The following PKD1L1 variants were observed in gnomAD, a reference collection of about 807,000 sequenced individuals.
PKD1L1 encodes the protein polycystin-1-like protein 1.
A neutral mutation model predicts 323.4 loss-of-function variants in PKD1L1; 236 were observed. The ratio of observed to expected loss-of-function variants is 0.73; its 90% confidence interval spans 0.66 to 0.81. The LOEUF (loss-of-function observed/expected upper bound fraction) is 0.81. Among genes scored for constraint, PKD1L1 ranks in the 40% least tolerant of loss-of-function variants. PKD1L1 has a pLI of 0.00. For synonymous variants in PKD1L1, 1,344 were observed against 1,335.0 expected (o/e 1.01, Z -0.15); for missense variants, 3,320 against 3,508.0 (o/e 0.95, Z 1.35).
At chr7:47,803,450 T>A in intron 52 of PKD1L1, 106 bp from the exon 53 acceptor site, 2 of 1,342,034 alleles carry the variant, frequency 1.5e-6, no homozygotes, top group Non-Finnish European at 2.1e-6. Flanking sequence ...GATTTGATGA[T>A]GTTATATAGA....
intron 23 of PKD1L1, among the ~76,000 whole-genome samples, chr7:47,875,206 A>G (rs558373454): frequency 4.6e-5 from 7 of 152,240 alleles, no homozygotes; most frequent in Non-Finnish European, 8.8e-5. Flanking sequence ...TGCCCTGCTC[A>G]GAAGTTTTGC....
At chr7:47,906,501 T>TCACACATACCCTCCTATGACATAC (rs1439718032) in intron 9 of PKD1L1, among the ~76,000 whole-genome samples, 137 of 152,142 alleles carry the variant, frequency 9.0e-4, no homozygotes, top group Admixed American at 1.0e-3. Flanking sequence ...TACACACATA[T>TCACACATACCCTCCTATGACATAC]CACACATACC....
intron 53 of PKD1L1, among the ~76,000 whole-genome samples, chr7:47,801,554 C>G (rs576671492): frequency 7.2e-5 from 11 of 152,114 alleles, no homozygotes; most frequent in African/African-American, 2.4e-4. Context: ...AGACTGTGGA[C>G]GGGCCTACAG....
chr7:47,877,954 G>A (rs1393669170), intron 21 of PKD1L1, among the ~76,000 whole-genome samples: 2 of 151,784 alleles, frequency 1.3e-5, no homozygotes, highest in African/African-American at 4.8e-5. Flanking sequence ...CCTAGGCCCT[G>A]GGGAGACAGA....
At chr7:47,809,102 A>C (rs1280973948) in intron 51 of PKD1L1, 1 of 158,084 alleles carries the variant, frequency 6.3e-6, no homozygotes, top group East Asian at 1.9e-4. Flanking sequence ...TCTATTTTTA[A>C]AAATTTTGTT....
intron 3 of PKD1L1, among the ~76,000 whole-genome samples, chr7:47,938,405 A>G (rs1478643460): frequency 6.6e-6 from 1 of 152,162 alleles, no homozygotes; most frequent in East Asian, 1.9e-4. Flanking sequence ...GGACCTGGGT[A>G]GATCCTGGCA....
At position 47,928,157 on chromosome 7, in the gene PKD1L1, A is replaced by G. The variant is rs191845836; in HGVS notation, c.1060+1047T>C. 2.0e-4 allele frequency among the ~76,000 whole-genome samples: 30 copies of G among 152,372 alleles called. 1 individual carries two copies. Among genetic ancestry groups the G allele is most frequent in the African/African-American group, 5.8e-4 (24 of 41,592 alleles). On this transcript the variant is annotated intron_variant, in intron 7 of 56. Transcript: ENST00000289672. ...GTTTATACACATAAAAGATATAAGAAGTAGAAGGCAGTAGTTGACTGTGGG... is the reference window on the plus strand; with the variant it reads ...GTTTATACACATAAAAGATATAAGAGGTAGAAGGCAGTAGTTGACTGTGGG...
At chr7:47,887,581 T>C (rs772937004) in intron 17 of PKD1L1, among the ~76,000 whole-genome samples, 24 of 152,258 alleles carry the variant, frequency 1.6e-4, no homozygotes, top group Non-Finnish European at 2.9e-4. Flanking sequence ...GGAGCAAGGA[T>C]TGGAACCTTC....
At chr7:47,937,256 GGGT>G (rs1325765143) in intron 3 of PKD1L1, among the ~76,000 whole-genome samples, 11 of 101,696 alleles carry the variant, frequency 1.1e-4, no homozygotes, top group African/African-American at 4.2e-4. Context: ...GACGGGGTGG[GGGT>G]GGGGGGGGGG....
Position 47,948,428 on chromosome 7 carries a change from C to T in PKD1L1, c.13G>A (p.Ala5Thr), listed in dbSNP as rs1489518764. Residue 5 changes from alanine to threonine, a missense_variant, in exon 1 of 57, where the codon GCA becomes ACA. Physicochemically the swap from Ala to Thr is moderately conservative, Grantham distance 58. Coordinates refer to ENST00000289672, the MANE Select transcript of PKD1L1 (RefSeq NM_138295.5). ...TGGTCATCAGAAATGTTCTGGGCTGCCTCCTCGGCCATGTCCTGTGCAAGC... is the reference window on the plus strand; with the variant it reads ...TGGTCATCAGAAATGTTCTGGGCTGTCTCCTCGGCCATGTCCTGTGCAAGC... MAEE[A>T]AQNISDDQER... 1.2e-6 allele frequency: 2 copies of T among 1,614,090 alleles called. No individual in the cohort carries two copies. The highest frequency in any genetic ancestry group is 1.7e-6 in the Non-Finnish European group (2 of 1,180,032).
intron 6 of PKD1L1, 125 bp downstream of exon 6, chr7:47,930,979 A>T: frequency 1.0e-6 from 1 of 986,498 alleles, no homozygotes; most frequent in Non-Finnish European, 1.5e-6. Context: ...AAGTCACTGG[A>T]CTCAACTGCA....
intron 33 of PKD1L1, among the ~76,000 whole-genome samples, chr7:47,844,160 G>T (rs538456452): frequency 9.7e-4 from 148 of 152,282 alleles, no homozygotes; most frequent in Non-Finnish European, 1.5e-3. Flanking sequence ...CATGGTTGAG[G>T]CTGCTGTCTT....
chr7:47,777,217 A>T (rs1228999292), intron 56 of PKD1L1, among the ~76,000 whole-genome samples: 2 of 152,238 alleles, frequency 1.3e-5, no homozygotes, highest in African/African-American at 4.8e-5. Context: ...ACTATCCCAA[A>T]TGATTAGTCT....
chr7:47,906,553 A>G (rs1373867033), intron 9 of PKD1L1, among the ~76,000 whole-genome samples: 2 of 152,190 alleles, frequency 1.3e-5, no homozygotes, highest in African/African-American at 2.4e-5. Flanking sequence ...ATGTATGTAC[A>G]TACATATGGA....
rs771908353 is a variant in PKD1L1, at chr7:47,857,783, G to A, written c.4412C>T (p.Thr1471Ile). Reference protein sequence around the residue: ...HVSTGQMEFRTLLHYNLQSSV... With the variant: ...HVSTGQMEFRILLHYNLQSSV... Reference sequence around the variant, plus strand: ...GCTCTGAAGGTTGTAATGAAGAAGGGTCCGGAACTCCATCTGCCCAGTGCT... The same window carrying A: ...GCTCTGAAGGTTGTAATGAAGAAGGATCCGGAACTCCATCTGCCCAGTGCT... Residue 1471 changes from threonine to isoleucine, a missense_variant, in exon 28 of 57, where the codon ACC (threonine) becomes ATC (isoleucine). Physicochemically the swap from Thr to Ile is moderately conservative, Grantham distance 89. Coordinates refer to ENST00000289672, the MANE Select transcript of PKD1L1 (RefSeq NM_138295.5). 17 of 1,614,048 alleles carry A rather than the reference G, an allele frequency of 1.1e-5. No individual in the cohort carries two copies. The highest frequency in any genetic ancestry group is 1.3e-5 in the Non-Finnish European group (15 of 1,180,040).
intron 56 of PKD1L1, among the ~76,000 whole-genome samples, chr7:47,775,965 A>T (rs1786559798): frequency 6.6e-6 from 1 of 152,200 alleles, no homozygotes; most frequent in Admixed American, 6.5e-5. Flanking sequence ...ACAAAGACAC[A>T]AATTGCCAAT....
At chr7:47,807,242 A>G (rs572867807) in intron 52 of PKD1L1, among the ~76,000 whole-genome samples, 1 of 151,904 alleles carries the variant, frequency 6.6e-6, no homozygotes, top group South Asian at 2.1e-4. Flanking sequence ...TAGCCTAGGG[A>G]GTTTCTCTTG....
At chr7:47,827,030 A>G (rs1299614320) in intron 45 of PKD1L1, among the ~76,000 whole-genome samples, 1 of 152,156 alleles carries the variant, frequency 6.6e-6, no homozygotes, top group Non-Finnish European at 1.5e-5. Flanking sequence ...ATGAAATCCA[A>G]TTGTGTGTGT....
intron 24 of PKD1L1, among the ~76,000 whole-genome samples, chr7:47,869,855 A>C (rs1786242712): frequency 6.6e-6 from 1 of 152,196 alleles, no homozygotes; most frequent in African/African-American, 2.4e-5. Flanking sequence ...AAACTCAATA[A>C]ATTTTAAACT....
Sources: gnomAD v4.1 joint callset for allele counts (sites outside exome capture counted in the v4.1 genomes callset) on GRCh38, gnomAD v4.1.1 for gene constraint, MANE v1.5 for transcripts, NCBI Gene and HGNC (gene_info 2026-07-23, HGNC 2026-07-21) for gene names.